Variants in SENP5 observed in about 807,000 individuals in gnomAD.
SENP5 encodes SUMO specific peptidase 5.
In SENP5, 21 loss-of-function variants were observed where a neutral mutation model predicts 74.2. That is an observed-to-expected ratio of 0.28 (90% confidence interval 0.20 to 0.41). The LOEUF (loss-of-function observed/expected upper bound fraction) is 0.41. SENP5 is among the 10% of genes least tolerant of loss of function. The probability of loss-of-function intolerance (pLI) is 1.00; values close to 1 mark genes in which losing one functional copy is unlikely to be tolerated. For synonymous variants in SENP5, 311 were observed against 312.7 expected, an observed-to-expected ratio of 0.99 and a Z score of 0.06; for missense variants, 717 against 889.1, an observed-to-expected ratio of 0.81 and a Z score of 2.46.
At chr3:196,913,637 A>G (rs1715229198) in intron 6 of SENP5, among the ~76,000 whole-genome samples, 2 of 148,156 alleles carry the variant, frequency 1.3e-5, no homozygotes, top group South Asian at 4.3e-4. Context: ...GAAAAGGTTT[A>G]TAAGAAAGGC....
chr3:196,916,405 G>A (rs994069865), intron 6 of SENP5, among the ~76,000 whole-genome samples: 2 of 152,060 alleles, frequency 1.3e-5, no homozygotes, highest in East Asian at 1.9e-4. Context: ...ATCTCATAGT[G>A]ACAGAGATAT....
intron 2 of SENP5, among the ~76,000 whole-genome samples, chr3:196,898,149 G>C (rs1714527158): frequency 6.7e-6 from 1 of 148,658 alleles, no homozygotes; most frequent in South Asian, 2.1e-4. Context: ...TTGCACTCCA[G>C]CCTGGGTGAA....
intron 7 of SENP5, among the ~76,000 whole-genome samples, chr3:196,926,790 C>T (rs931711531): frequency 6.6e-6 from 1 of 151,766 alleles, no homozygotes; most frequent in East Asian, 2.0e-4. Flanking sequence ...AGGTGTGCAC[C>T]ACCACACCTG....
intron 6 of SENP5, 40 bp downstream of exon 6, chr3:196,903,650 C>T: frequency 7.6e-7 from 1 of 1,323,994 alleles, no homozygotes; most frequent in South Asian, 1.3e-5. Flanking sequence ...ATTTGAAACG[C>T]AGATGATAAA....
intron 2 of SENP5, among the ~76,000 whole-genome samples, chr3:196,887,507 TTC>T (rs779537009): frequency 6.0e-5 from 9 of 151,180 alleles, no homozygotes; most frequent in African/African-American, 1.2e-4. Flanking sequence ...ACTGGATTGT[TTC>T]TGTTTTTTTT....
chr3:196,883,292 A>T (rs1175590144), intron 1 of SENP5, among the ~76,000 whole-genome samples: 1 of 152,218 alleles, frequency 6.6e-6, no homozygotes, highest in East Asian at 1.9e-4. Context: ...TTGTTGTGAC[A>T]TCCCCAAATA....
chr3:196,868,575 C>T (rs140115953), intron 1 of SENP5, among the ~76,000 whole-genome samples: 171 of 152,344 alleles, frequency 1.1e-3, no homozygotes, highest in African/African-American at 3.8e-3. Flanking sequence ...TCAGCCTCCG[C>T]TCTACGCCCT....
intron 2 of SENP5, among the ~76,000 whole-genome samples, chr3:196,897,464 A>G (rs1714491235): frequency 6.6e-6 from 1 of 152,086 alleles, no homozygotes; most frequent in African/African-American, 2.4e-5. Context: ...GTGAGAAAGG[A>G]CCTCTTTTCT....
intron 7 of SENP5, among the ~76,000 whole-genome samples, chr3:196,926,343 ATGG>A (rs1715809908): frequency 1.3e-5 from 2 of 151,902 alleles, no homozygotes; most frequent in African/African-American, 4.8e-5. Context: ...TTAGCTGGGC[ATGG>A]TGGTGCACGC....
chr3:196,870,097 C>G (rs1173752039), intron 1 of SENP5, among the ~76,000 whole-genome samples: 1 of 152,094 alleles, frequency 6.6e-6, no homozygotes, highest in African/African-American at 2.4e-5. Context: ...TGAAGTAGAT[C>G]ACCTTGGCAT....
intron 7 of SENP5, 75 bp from the exon 8 acceptor site, chr3:196,927,721 G>T: frequency 1.5e-5 from 12 of 780,908 alleles, no homozygotes; most frequent in East Asian, 2.6e-5. Context: ...CTTTCCTTCT[G>T]TCTGCTATGG....
chr3:196,887,372 G>A (rs1714018112), intron 2 of SENP5, among the ~76,000 whole-genome samples: 1 of 151,958 alleles, frequency 6.6e-6, no homozygotes, highest in South Asian at 2.1e-4. Context: ...TAGAGATGGG[G>A]TTTCACCATG....
intron 2 of SENP5, among the ~76,000 whole-genome samples, chr3:196,887,713 T>C (rs1297965690): frequency 6.6e-6 from 1 of 152,140 alleles, no homozygotes; most frequent in African/African-American, 2.4e-5. Context: ...AATTGTTTGA[T>C]ATTTTTGCTT....
intron 2 of SENP5, among the ~76,000 whole-genome samples, chr3:196,889,271 A>G (rs765904602): frequency 6.6e-6 from 1 of 152,092 alleles, no homozygotes; most frequent in African/African-American, 2.4e-5. Context: ...TGAGGTTAGC[A>G]GACCCATGAT....
intron 6 of SENP5, among the ~76,000 whole-genome samples, chr3:196,918,953 A>G (rs1303073461): frequency 2.1e-5 from 3 of 140,200 alleles, no homozygotes; most frequent in Non-Finnish European, 3.1e-5. Flanking sequence ...AAAAGGTCAG[A>G]CAATATAAAA....
At chr3:196,869,217 G>T (rs1457625472) in intron 1 of SENP5, among the ~76,000 whole-genome samples, 1 of 151,610 alleles carries the variant, frequency 6.6e-6, no homozygotes, top group Non-Finnish European at 1.5e-5. Flanking sequence ...TTTTTTGGAG[G>T]GGGGACAGGG....
At chr3:196,910,959 G>A (rs1188100322) in intron 6 of SENP5, among the ~76,000 whole-genome samples, 1 of 151,982 alleles carries the variant, frequency 6.6e-6, no homozygotes, top group Non-Finnish European at 1.5e-5. Flanking sequence ...CCCGACAAAA[G>A]CAATGGGGAA....
chr3:196,882,674 T>C (rs558974480), intron 1 of SENP5, among the ~76,000 whole-genome samples: 7 of 152,148 alleles, frequency 4.6e-5, no homozygotes, highest in African/African-American at 1.7e-4. Flanking sequence ...CAGCTAATTT[T>C]TGTATTTTTA....
intron 1 of SENP5, among the ~76,000 whole-genome samples, chr3:196,884,664 G>GTTTTTTTTTTTTT (rs199659730): frequency 1.6e-5 from 2 of 121,402 alleles, no homozygotes; most frequent in East Asian, 2.6e-4. Flanking sequence ...ACAGAAATCA[G>GTTTTTTTTTTTTT]TTTTTTTTTG....
Sources: gnomAD v4.1 joint callset for allele counts (sites outside exome capture counted in the v4.1 genomes callset) on GRCh38, gnomAD v4.1.1 for gene constraint, MANE v1.5 for transcripts, NCBI Gene and HGNC (gene_info 2026-07-23, HGNC 2026-07-21) for gene names.